DARS1: variants seen among roughly 807,000 people sequenced by gnomAD.
DARS1 encodes the protein aspartate--tRNA ligase, cytoplasmic.
DARS1 carries 51 observed loss-of-function variants against 68.8 expected under a neutral mutation model. The ratio of observed to expected loss-of-function variants is 0.74; its 90% confidence interval spans 0.59 to 0.94. The LOEUF is 0.94. Ranked by LOEUF, DARS1 falls within the 40% of genes least tolerant of loss-of-function variation. DARS1 has a pLI of 0.00. For synonymous variants in DARS1, 203 were observed against 190.4 expected (o/e 1.07, Z -0.55); for missense variants, 607 against 597.3 (o/e 1.02, Z -0.17).
chr2:135,911,467 G>T lies in DARS1; in HGVS notation c.1257C>A (p.Phe419Leu). ...NPKQSNSYDMFMRGEEILSGA... is the reference protein window; with the variant it reads ...NPKQSNSYDMLMRGEEILSGA... Reference sequence around the variant, plus strand: ...CTGACAATATTTCTTCTCCTCTCATGAACATATCGTAAGAGTTGGACTGTT... The same window carrying T: ...CTGACAATATTTCTTCTCCTCTCATTAACATATCGTAAGAGTTGGACTGTT... The change falls in exon 14 of 16, where the codon TTC becomes TTA. Residue 419 changes from phenylalanine (F) to leucine (L), a missense_variant. Coordinates refer to ENST00000264161, the MANE Select transcript of DARS1 (RefSeq NM_001349.4). 1 of 1,030,474 alleles carries T rather than the reference G, an allele frequency of 9.7e-7. No homozygotes were observed. The highest frequency in any genetic ancestry group is 1.5e-6 in the Non-Finnish European group (1 of 646,368). The allele number at this position is 1,030,474 out of a possible 1,614,324, so 63.8% of individuals were successfully genotyped here.
rs1429304667 is a variant in DARS1, at chr2:135,920,546, A to C, written c.866T>G (p.Leu289Trp). The C allele has an allele frequency of 6.2e-7, 1 of 1,613,774 alleles. No individual in the cohort carries two copies. Among genetic ancestry groups the C allele is most frequent in the Admixed American group, 1.7e-5 (1 of 60,012 alleles). ...GTAATTAAAAGCCATTTCAATGTCC[A>C]AACCAACAAACTCAGTTAGATGTCT... ...THRHLTEFVG[L>W]DIEMAFNYHY... Residue 289 changes from leucine to tryptophan, a missense_variant, in exon 10 of 16, where the codon TTG becomes TGG. By Grantham distance (61) the Leu-to-Trp change is moderately conservative. Transcript: ENST00000264161.
chr2:135,931,548 T>C (rs1681348358), intron 7 of DARS1, among the ~76,000 whole-genome samples: 1 of 152,110 alleles, frequency 6.6e-6, no homozygotes, highest in Non-Finnish European at 1.5e-5. Context: ...AAGACAGTAG[T>C]TTAGAAGGAA....
chr2:135,982,594 T>TC (rs1682661885), intron 2 of DARS1, among the ~76,000 whole-genome samples: 1 of 142,386 alleles, frequency 7.0e-6, no homozygotes, highest in African/African-American at 2.6e-5. Context: ...AGCCTCTGTC[T>TC]CCCAAAAAAA....
upstream of DARS1, chr2:135,985,660 C>T: frequency 1.5e-6 from 2 of 1,377,736 alleles, no homozygotes; most frequent in Non-Finnish European, 1.9e-6. Flanking sequence ...GATCCCGGAG[C>T]GCTGGCGGCC....
intron 3 of DARS1, among the ~76,000 whole-genome samples, chr2:135,966,971 C>G (rs762013553): frequency 6.6e-6 from 1 of 152,064 alleles, no homozygotes; most frequent in Non-Finnish European, 1.5e-5. Flanking sequence ...ATCGTGAAGT[C>G]TTTATTTCTG....
chr2:135,984,103 A>G (rs967296644), intron 1 of DARS1, among the ~76,000 whole-genome samples: 1 of 152,216 alleles, frequency 6.6e-6, no homozygotes, highest in Admixed American at 6.5e-5. Context: ...AGGAACAGGA[A>G]ACAGAAGACC....
Position 135,907,242 on chromosome 2 carries a change from C to CTTTTTTTTTTTT in DARS1, c.*62_*73dup, listed in dbSNP as rs992435404. On this transcript the variant is annotated 3_prime_UTR_variant, in exon 16 of 16. Coordinates refer to ENST00000264161, the MANE Select transcript of DARS1 (RefSeq NM_001349.4). ...TACTGAAAAGAATAAGTGTGGCTTT[C>CTTTTTTTTTTTT]TTTTTTTTTTTTTTTTTTTGAGGCA... 1,201 of 453,486 alleles carry CTTTTTTTTTTTT rather than the reference C, an allele frequency of 2.6e-3. 109 individuals are homozygous for CTTTTTTTTTTTT. The highest frequency in any genetic ancestry group is 0.021 in the African/African-American group (722 of 35,196). The allele number at this position is 453,486 out of a possible 1,614,324, so 28.1% of individuals were successfully genotyped here.
intron 4 of DARS1, among the ~76,000 whole-genome samples, chr2:135,956,802 C>T (rs937244073): frequency 5.3e-5 from 8 of 152,244 alleles, no homozygotes; most frequent in Middle Eastern, 3.4e-3. Context: ...CCTACTCTGT[C>T]GCCCAGTCTG....
Position 135,985,383 on chromosome 2 carries a change from C to A in DARS1, c.66+20G>T, listed in dbSNP as rs774238427. ...GCCCAGGGGTCTGTCCTCCCAGGCC[C>A]AGGAAAGGAGGAAACCCACTTCCGC... is the stretch of plus-strand genomic sequence containing the variant. On this transcript the variant is annotated intron_variant, in intron 1 of 15. Transcript: ENST00000264161. The A allele has an allele frequency of 3.1e-6, 5 of 1,612,618 alleles. No homozygotes were observed. Among genetic ancestry groups the A allele is most frequent in the Non-Finnish European group, 4.2e-6 (5 of 1,179,424 alleles).
At chr2:135,964,395 G>A (rs140107658) in intron 3 of DARS1, among the ~76,000 whole-genome samples, 6 of 152,214 alleles carry the variant, frequency 3.9e-5, no homozygotes, top group Admixed American at 2.0e-4. Context: ...ACAGAAGAAA[G>A]GTAAGGGCTG....
chr2:135,971,112 T>G (rs1682358650), intron 3 of DARS1, among the ~76,000 whole-genome samples: 1 of 152,164 alleles, frequency 6.6e-6, no homozygotes. Flanking sequence ...AGTATTACCC[T>G]GGCACCAAAA....
chr2:135,970,935 A>G (rs2104842219), intron 3 of DARS1, among the ~76,000 whole-genome samples: 1 of 152,282 alleles, frequency 6.6e-6, no homozygotes, highest in Non-Finnish European at 1.5e-5. Flanking sequence ...GTAACAAACA[A>G]CAAGATTAAA....
intron 5 of DARS1, 31 bp from the exon 6 acceptor site, chr2:135,934,021 A>G (rs1437352252): frequency 6.3e-7 from 1 of 1,598,718 alleles, no homozygotes; most frequent in Non-Finnish European, 8.5e-7. Flanking sequence ...AAAATAGTAG[A>G]AAGCACACAA....
At chr2:135,959,579 T>C (rs886720744) in intron 4 of DARS1, among the ~76,000 whole-genome samples, 3 of 152,110 alleles carry the variant, frequency 2.0e-5, no homozygotes, top group South Asian at 2.1e-4. Flanking sequence ...TAAGCTATGG[T>C]TGACATCTGA....
At chr2:135,920,836 T>G (rs1233474963) in intron 9 of DARS1, among the ~76,000 whole-genome samples, 1 of 152,042 alleles carries the variant, frequency 6.6e-6, no homozygotes. Flanking sequence ...TAAGAGAGGT[T>G]CATGAGAACC....
intron 3 of DARS1, among the ~76,000 whole-genome samples, chr2:135,978,159 A>G (rs988647234): frequency 1.6e-4 from 24 of 149,106 alleles, no homozygotes; most frequent in African/African-American, 4.9e-4. Context: ...AAAAAAAAAA[A>G]AAAAAAGAAA....
At chr2:135,958,659 C>T (rs1682031046) in intron 4 of DARS1, among the ~76,000 whole-genome samples, 1 of 152,150 alleles carries the variant, frequency 6.6e-6, no homozygotes, top group Non-Finnish European at 1.5e-5. Context: ...AACTACAAAA[C>T]CTAAAAACTC....
chr2:135,952,634 T>C (rs1681865802), intron 4 of DARS1, among the ~76,000 whole-genome samples: 1 of 152,138 alleles, frequency 6.6e-6, no homozygotes, highest in Admixed American at 6.5e-5. Context: ...TCATCCAGTA[T>C]TTCTCTGTGT....
intron 5 of DARS1, among the ~76,000 whole-genome samples, chr2:135,935,090 T>C (rs1046021450): frequency 1.3e-5 from 2 of 151,738 alleles, no homozygotes; most frequent in Admixed American, 6.6e-5. Flanking sequence ...CGCCCGGCCA[T>C]CTTGTTATTT....
Sources: gnomAD v4.1 joint callset for allele counts (sites outside exome capture counted in the v4.1 genomes callset) on GRCh38, gnomAD v4.1.1 for gene constraint, MANE v1.5 for transcripts, NCBI Gene and HGNC (gene_info 2026-07-23, HGNC 2026-07-21) for gene names.